Variants in CYP24A1 observed in about 807,000 individuals in gnomAD.
The protein encoded by CYP24A1 is cytochrome P450 family 24 subfamily A member 1.
CYP24A1 carries 68 observed loss-of-function variants against 62.4 expected under a neutral mutation model. The observed-to-expected ratio is 1.09, with a 90% CI of 0.90 to 1.33. The LOEUF (loss-of-function observed/expected upper bound fraction) is 1.33. CYP24A1 is among the 40% of genes most tolerant of loss of function. The pLI, the probability that CYP24A1 is intolerant of heterozygous loss-of-function variation, is 0.00. For missense variants in CYP24A1, 787 were observed against 653.0 expected (o/e 1.21, Z -2.24); for synonymous variants, 267 against 253.0 (o/e 1.06, Z -0.52).
chr20:54,172,813 C>T, intron 2 of CYP24A1, 96 bp downstream of exon 2: 8 of 1,596,092 alleles, frequency 5.0e-6, no homozygotes, highest in Non-Finnish European at 6.8e-6. Flanking sequence ...AAGCTTCCAA[C>T]CCCAGGGAAC....
intron 7 of CYP24A1, among the ~76,000 whole-genome samples, chr20:54,162,283 T>C (rs1439675891): frequency 7.2e-6 from 1 of 138,164 alleles, no homozygotes; most frequent in Non-Finnish European, 1.5e-5. Flanking sequence ...AGTTAGGCAC[T>C]TTGGGGTAAC....
the CYP24A1 span, among the ~76,000 whole-genome samples, chr20:54,145,191 A>G: frequency 6.6e-6 from 1 of 152,062 alleles, no homozygotes; most frequent in East Asian, 1.9e-4. Context: ...ATTTTTTTCC[A>G]GGTCACTCGC....
chr20:54,148,568 T>A (rs2092608080), downstream of CYP24A1, among the ~76,000 whole-genome samples: 1 of 152,084 alleles, frequency 6.6e-6, no homozygotes, highest in Admixed American at 6.6e-5. Flanking sequence ...GCAGGTAAAG[T>A]ACAAGATCAG....
At chr20:54,143,878 T>C in the CYP24A1 span, among the ~76,000 whole-genome samples, 1 of 152,082 alleles carries the variant, frequency 6.6e-6, no homozygotes, top group Non-Finnish European at 1.5e-5. Context: ...CAATTATAGA[T>C]GTTTTAAAAA....
In CYP24A1 at chr20:54,162,750, A is replaced by T. The variant is rs184453665; in HGVS notation, c.957T>A (p.Ala319=). 3.3e-5 allele frequency: 52 copies of T among 1,599,962 alleles called. No homozygotes were observed. In the East Asian group the frequency reaches 1.2e-3, roughly 36 times the overall value. ...NRLSKKELYA[A]VTELQLAAVE... ...CCGCAGCCAGCTGGAGCTCTGTGAC[A>T]GCAGCATACAATTCTTTCTTTGAAA... The change falls in exon 7 of 12, where the codon GCT becomes GCA. Residue 319 remains alanine (A), a synonymous_variant. Transcript: ENST00000216862.
chr20:54,147,100 A>G, the CYP24A1 span, among the ~76,000 whole-genome samples: 1 of 152,196 alleles, frequency 6.6e-6, no homozygotes, highest in Non-Finnish European at 1.5e-5. Context: ...AGCAAGAACT[A>G]TGAAGTCAGA....
chr20:54,158,533 T>C (rs1001184296), intron 8 of CYP24A1, among the ~76,000 whole-genome samples: 1 of 152,206 alleles, frequency 6.6e-6, no homozygotes, highest in Non-Finnish European at 1.5e-5. Context: ...AATCCTAAAA[T>C]GTTGTGAGTT....
chr20:54,157,145 A>G (rs760687903), intron 11 of CYP24A1, 24 bp downstream of exon 11: 1 of 1,117,630 alleles, frequency 8.9e-7, no homozygotes, highest in South Asian at 1.3e-5. Context: ...CTTGCAGAGG[A>G]TAATGAACCG....
chr20:54,147,709 G>C, the CYP24A1 span, among the ~76,000 whole-genome samples: 79 of 152,306 alleles, frequency 5.2e-4, 1 homozygote, highest in South Asian at 1.7e-3. Context: ...TATGAAATAT[G>C]TTTTGATCAT....
At chr20:54,167,396 C>G (rs1375076732) in intron 4 of CYP24A1, among the ~76,000 whole-genome samples, 1 of 152,216 alleles carries the variant, frequency 6.6e-6, no homozygotes, top group African/African-American at 2.4e-5. Context: ...AATCCCAGCA[C>G]TCTCAGAGGT....
chr20:54,147,412 G>A, the CYP24A1 span, among the ~76,000 whole-genome samples: 1 of 152,178 alleles, frequency 6.6e-6, no homozygotes, highest in African/African-American at 2.4e-5. Flanking sequence ...CGTGCCAGGT[G>A]CTATCAAGAG....
At chr20:54,162,343 A>G (rs2092654305) in intron 7 of CYP24A1, among the ~76,000 whole-genome samples, 1 of 141,904 alleles carries the variant, frequency 7.0e-6, no homozygotes. Context: ...TGGATTCTGT[A>G]TCTTGCCAGG....
chr20:54,169,880 G>C (rs2092688282), intron 3 of CYP24A1, among the ~76,000 whole-genome samples, 192 bp from the exon 4 acceptor site: 1 of 152,118 alleles, frequency 6.6e-6, no homozygotes, highest in African/African-American at 2.4e-5. Context: ...CCTCGTCCTG[G>C]GTTATTTCCT....
At chr20:54,148,559 C>G (rs570924457), downstream of CYP24A1, among the ~76,000 whole-genome samples, 1 of 152,146 alleles carries the variant, frequency 6.6e-6, no homozygotes, top group South Asian at 2.1e-4. Context: ...CACGGTGGGG[C>G]AGGTAAAGTA....
chr20:54,156,108 A>G (rs1380106886), intron 11 of CYP24A1, among the ~76,000 whole-genome samples: 2 of 152,226 alleles, frequency 1.3e-5, no homozygotes, highest in African/African-American at 4.8e-5. Context: ...ATGTGGTTGC[A>G]TAACACAAAC....
intron 8 of CYP24A1, 83 bp downstream of exon 8, chr20:54,158,874 C>T: frequency 5.6e-6 from 9 of 1,608,236 alleles, no homozygotes; most frequent in Non-Finnish European, 7.6e-6. Flanking sequence ...GGGGAAGCCG[C>T]CCATGAGTAG....
rs749064329 is a variant in CYP24A1, at chr20:54,162,726, C to T, written c.981G>A (p.Ala327=). The T allele has an allele frequency of 4.7e-5, 75 of 1,600,848 alleles. No individual in the cohort carries two copies. The highest frequency in any genetic ancestry group is 8.9e-5 in the East Asian group (4 of 44,798). The change falls in exon 7 of 12, where the codon GCG becomes GCA. Residue 327 remains alanine (A), a synonymous_variant. Transcript: ENST00000216862. Reference sequence around the variant, plus strand: ...TCCAGCCCACCCTTACCGTTTCCACCGCAGCCAGCTGGAGCTCTGTGACAG... The same window carrying T: ...TCCAGCCCACCCTTACCGTTTCCACTGCAGCCAGCTGGAGCTCTGTGACAG... The part of the protein sequence containing the change: ...YAAVTELQLA[A]VETTANSLMW...
chr20:54,159,194 A>C (rs749954316), intron 7 of CYP24A1, 71 bp from the exon 8 acceptor site: 9 of 1,208,018 alleles, frequency 7.5e-6, no homozygotes, highest in Non-Finnish European at 1.1e-5. Flanking sequence ...GCTGAAAAAA[A>C]GGTGATGCCC....
intron 2 of CYP24A1, 91 bp downstream of exon 2, chr20:54,172,818 G>A (rs2092698445): frequency 6.3e-7 from 1 of 1,599,900 alleles, no homozygotes; most frequent in African/African-American, 1.3e-5. Context: ...TCCAACCCCA[G>A]GGAACTCTAA....
Sources: allele counts gnomAD v4.1 joint callset (sites outside exome capture counted in the v4.1 genomes callset), GRCh38; gene constraint gnomAD v4.1.1; transcripts MANE v1.5; gene names NCBI Gene and HGNC (gene_info 2026-07-23, HGNC 2026-07-21).